Variants in NR6A1 observed in about 807,000 individuals in gnomAD.
The protein encoded by NR6A1 is retinoic acid receptor-related testis-associated receptor.
Under a neutral mutation model 59.1 loss-of-function variants are expected in NR6A1, and 7 were observed. The observed-to-expected ratio is 0.12, with a 90% CI of 0.07 to 0.22. NR6A1 has a LOEUF of 0.22. NR6A1 is among the 10% of genes least tolerant of loss of function. The pLI is 1.00. For synonymous variants in NR6A1, 243 were observed against 236.1 expected (o/e 1.03, Z -0.27); for missense variants, 468 against 611.6 (o/e 0.77, Z 2.48).
At chr9:124,580,910 A>C (rs1211098556) in intron 2 of NR6A1, among the ~76,000 whole-genome samples, 1 of 152,158 alleles carries the variant, frequency 6.6e-6, no homozygotes, top group Non-Finnish European at 1.5e-5. Context: ...ACAGTAACCA[A>C]AATAGTATGG....
chr9:124,573,837 C>T (rs1439963364), intron 2 of NR6A1, among the ~76,000 whole-genome samples: 1 of 152,148 alleles, frequency 6.6e-6, no homozygotes, highest in East Asian at 1.9e-4. Flanking sequence ...TACATATGAA[C>T]ATACACATGC....
At chr9:124,728,173 C>T (rs1421970649) in intron 2 of NR6A1, among the ~76,000 whole-genome samples, 3 of 151,094 alleles carry the variant, frequency 2.0e-5, no homozygotes, top group Non-Finnish European at 3.0e-5. Flanking sequence ...ACTACAGGTG[C>T]CTACCACCAC....
intron 2 of NR6A1, among the ~76,000 whole-genome samples, chr9:124,578,466 C>A (rs1834670658): frequency 1.3e-5 from 2 of 152,220 alleles, no homozygotes; most frequent in African/African-American, 2.4e-5. Flanking sequence ...ATACTAAAAT[C>A]TAGGAGTCAT....
chr9:124,567,940 C>A (rs1456830719), intron 2 of NR6A1, among the ~76,000 whole-genome samples: 1 of 146,810 alleles, frequency 6.8e-6, no homozygotes, highest in Non-Finnish European at 1.5e-5. Flanking sequence ...CTTTGGGAGG[C>A]CAGGGCGGGT....
At chr9:124,561,662 A>T (rs1042110322) in intron 2 of NR6A1, among the ~76,000 whole-genome samples, 1 of 152,194 alleles carries the variant, frequency 6.6e-6, no homozygotes, top group Non-Finnish European at 1.5e-5. Flanking sequence ...CTGTAATCCC[A>T]ACACTTTGGG....
intron 1 of NR6A1, among the ~76,000 whole-genome samples, chr9:124,751,336 C>G (rs1375473918): frequency 6.6e-6 from 1 of 152,174 alleles, no homozygotes; most frequent in Non-Finnish European, 1.5e-5. Context: ...TCAACATATC[C>G]TCTAAGAACG....
intron 2 of NR6A1, among the ~76,000 whole-genome samples, chr9:124,683,025 A>C (rs60853351): frequency 0.016 from 2,494 of 152,136 alleles, 75 homozygotes; most frequent in East Asian, 0.15. Context: ...AGGCAACACA[A>C]TGAGACCCTA....
chr9:124,627,463 T>G (rs1309940576), intron 2 of NR6A1, among the ~76,000 whole-genome samples: 12 of 152,208 alleles, frequency 7.9e-5, no homozygotes, highest in Non-Finnish European at 5.9e-5. Flanking sequence ...CACAGGAGAT[T>G]ATGGAAATCC....
At chr9:124,749,473 T>G (rs1207138805) in intron 1 of NR6A1, among the ~76,000 whole-genome samples, 1 of 152,206 alleles carries the variant, frequency 6.6e-6, no homozygotes, top group Non-Finnish European at 1.5e-5. Context: ...AGCTTCTTCA[T>G]GAGGTTGCAG....
chr9:124,647,432 CAT>C (rs1272931224), intron 2 of NR6A1, among the ~76,000 whole-genome samples: 1 of 151,900 alleles, frequency 6.6e-6, no homozygotes, highest in Non-Finnish European at 1.5e-5. Flanking sequence ...AAGATTAAAA[CAT>C]AAAGAAATGG....
At chr9:124,681,504 G>A (rs1421739078) in intron 2 of NR6A1, among the ~76,000 whole-genome samples, 1 of 151,880 alleles carries the variant, frequency 6.6e-6, no homozygotes, top group Non-Finnish European at 1.5e-5. Flanking sequence ...ACCACACCTA[G>A]CTAATTTTTG....
Position 124,520,269 on chromosome 9 carries a change from G to A in NR6A1, c.*2436C>T, listed in dbSNP as rs967582860. ...AAAAGCCCACGTCATAAAAGGACTG[G>A]TGCAGAAGACATTAAAGACGGTCCA... On this transcript the variant is annotated 3_prime_UTR_variant, in exon 10 of 10. Transcript: ENST00000487099. 1 of 152,182 alleles carries A rather than the reference G, an allele frequency of 6.6e-6. No individual in the cohort carries two copies. Among genetic ancestry groups the A allele is most frequent in the African/African-American group, 2.4e-5 (1 of 41,438 alleles). 9.4% of individuals were successfully genotyped at this position (152,182 alleles called of 1,614,324 possible). A position where few individuals can be genotyped will look rare whatever the true frequency, so the allele number is the denominator to read the frequency against.
At chr9:124,672,519 G>C (rs1837826445) in intron 2 of NR6A1, among the ~76,000 whole-genome samples, 1 of 152,070 alleles carries the variant, frequency 6.6e-6, no homozygotes, top group South Asian at 2.1e-4. Flanking sequence ...GGAGGCTGAG[G>C]CAGGAGAATC....
At chr9:124,527,973 G>A (rs1309868866) in intron 7 of NR6A1, among the ~76,000 whole-genome samples, 1 of 152,212 alleles carries the variant, frequency 6.6e-6, no homozygotes, top group African/African-American at 2.4e-5. Context: ...GTGGGCAGTG[G>A]GTCCCAGAAT....
At chr9:124,689,736 T>C (rs1175181468) in intron 2 of NR6A1, among the ~76,000 whole-genome samples, 2 of 152,166 alleles carry the variant, frequency 1.3e-5, no homozygotes, top group Admixed American at 6.5e-5. Flanking sequence ...TAGCCCCCTT[T>C]CTCTGTCTAG....
intron 2 of NR6A1, among the ~76,000 whole-genome samples, chr9:124,700,355 C>T (rs778972677): frequency 8.6e-5 from 13 of 151,774 alleles, no homozygotes; most frequent in African/African-American, 1.9e-4. Flanking sequence ...CCACCATGCC[C>T]GGCTAATTTT....
chr9:124,683,462 T>C (rs1437335108), intron 2 of NR6A1, among the ~76,000 whole-genome samples: 1 of 152,228 alleles, frequency 6.6e-6, no homozygotes, highest in African/African-American at 2.4e-5. Context: ...CAGGTGTTTT[T>C]CATTCCTGCT....
chr9:124,749,855 AC>A (rs1840445822), intron 1 of NR6A1, among the ~76,000 whole-genome samples: 1 of 152,220 alleles, frequency 6.6e-6, no homozygotes, highest in Admixed American at 6.5e-5. Context: ...TCTAGCATTA[AC>A]ATACATTAGC....
chr9:124,591,790 C>T (rs555894649), intron 2 of NR6A1, among the ~76,000 whole-genome samples: 1 of 152,126 alleles, frequency 6.6e-6, no homozygotes, highest in Non-Finnish European at 1.5e-5. Flanking sequence ...CCTCCCCCAC[C>T]CCCCACCACA....
Sources: allele counts gnomAD v4.1 joint callset (sites outside exome capture counted in the v4.1 genomes callset), GRCh38; gene constraint gnomAD v4.1.1; transcripts MANE v1.5; gene names NCBI Gene and HGNC (gene_info 2026-07-23, HGNC 2026-07-21).